FBXL22: variants seen among roughly 807,000 people sequenced by gnomAD.
The protein encoded by FBXL22 is F-box and leucine rich repeat protein 22, also known as F-box and leucine-rich protein 22.
A neutral mutation model predicts 11.7 loss-of-function variants in FBXL22; 13 were observed. That is an observed-to-expected ratio of 1.11 (90% CI 0.73 to 1.77). The LOEUF (loss-of-function observed/expected upper bound fraction) is 1.77, where lower values mean the gene tolerates loss of function less well. FBXL22 is among the 40% of genes most tolerant of loss of function. FBXL22 has a pLI of 0.00. For synonymous variants in FBXL22, 160 were observed against 144.1 expected (o/e 1.11, Z -0.79); for missense variants, 406 against 320.4 (o/e 1.27, Z -2.04).
intron 1 of FBXL22, 151 bp from the exon 2 acceptor site, chr15:63,600,546 C>A (rs577122984): frequency 1.1e-5 from 14 of 1,229,424 alleles, no homozygotes; most frequent in Non-Finnish European, 1.4e-5. Context: ...GCCAGAAAGC[C>A]GACTTGGAAC....
intron 1 of FBXL22, chr15:63,600,137 G>T (rs1055504683): frequency 1.0e-6 from 1 of 985,816 alleles, no homozygotes; most frequent in Non-Finnish European, 1.2e-6. Context: ...GGGGATGCAG[G>T]AACAGCTCTA....
intron 1 of FBXL22, chr15:63,600,376 C>T: frequency 8.9e-7 from 1 of 1,129,918 alleles, no homozygotes; most frequent in Non-Finnish European, 1.1e-6. Flanking sequence ...AGGGTTGTGG[C>T]TCCTGGAACC....
Position 63,599,905 on chromosome 15 carries a change from C to G in FBXL22, c.354-792C>G, listed in dbSNP as rs1057193365. 8 of 985,650 alleles carry G rather than the reference C, an allele frequency of 8.1e-6. No homozygotes were observed. The African/African-American group carries it at 1.2e-4, about 15-fold the overall frequency. 61.1% of individuals were successfully genotyped at this position (985,650 alleles called of 1,614,324 possible). On this transcript the variant is annotated intron_variant, in intron 1 of 1. Coordinates refer to ENST00000638704, the MANE Select transcript of FBXL22 (RefSeq NM_001367807.1). ...CCCCAGTGGTAGACATTATTCCCCC[C>G]ACGCAGAGGAAATGAAGGCTCCGTG...
intron 1 of FBXL22, chr15:63,599,185 G>A: frequency 1.3e-6 from 2 of 1,533,690 alleles, no homozygotes; most frequent in East Asian, 4.9e-5. Context: ...AGTGGCACCT[G>A]GCACATAGTA....
chr15:63,606,934 C>G (rs2152689592), downstream of FBXL22, among the ~76,000 whole-genome samples: 1 of 152,252 alleles, frequency 6.6e-6, no homozygotes, highest in Non-Finnish European at 1.5e-5. Context: ...AATTTAGAGA[C>G]TGCAGAGGTA....
downstream of FBXL22, chr15:63,601,724 T>TCA: frequency 3.8e-6 from 6 of 1,586,824 alleles, no homozygotes; most frequent in South Asian, 6.8e-5. Flanking sequence ...TCCCAATTGT[T>TCA]GAATGCTTAC....
downstream of FBXL22, among the ~76,000 whole-genome samples, chr15:63,605,336 A>G (rs888612102): frequency 6.6e-6 from 1 of 152,142 alleles, no homozygotes; most frequent in African/African-American, 2.4e-5. Context: ...CCGTTTCTTT[A>G]TTTGTAAAAT....
Position 63,597,732 on chromosome 15 carries a change from C to A in FBXL22, c.340C>A (p.Arg114=), listed in dbSNP as rs577834305. The change falls in exon 1 of 2, where the codon CGG becomes AGG. Residue 114 remains arginine, a synonymous_variant. Coordinates refer to ENST00000638704, the MANE Select transcript of FBXL22 (RefSeq NM_001367807.1). The surrounding 1 kb of genome is among the most constrained non-coding windows in gnomAD (Gnocchi z 4.3). ...HESLVNDFLL[R]VCDRCPNLAS... ...GAGCCTGGTCAATGATTTCCTCCTC[C>A]GGGTGTGCGACAGGTAGGCCACCTT... 7.0e-6 allele frequency: 11 copies of A among 1,582,458 alleles called. No homozygotes were observed. In the Admixed American group the frequency reaches 1.9e-4, roughly 27 times the overall value.
the FBXL22 span, chr15:63,608,498 TG>T: frequency 2.0e-5 from 3 of 152,666 alleles, no homozygotes; most frequent in Admixed American, 6.5e-5. Flanking sequence ...TGTTTCTGAA[TG>T]GGTCAAAAAG....
At chr15:63,600,145 CTA>C in intron 1 of FBXL22, 1 of 985,854 alleles carries the variant, frequency 1.0e-6, no homozygotes, top group South Asian at 4.7e-5. Context: ...AGGAACAGCT[CTA>C]GTCTACTAAG....
Position 63,601,004 on chromosome 15 carries a change from C to T in FBXL22, c.661C>T (p.Pro221Ser). Residue 221 changes from proline to serine, a missense_variant, in exon 2 of 2, where the codon CCC becomes TCC. Coordinates refer to ENST00000638704, the MANE Select transcript of FBXL22 (RefSeq NM_001367807.1). ...LPDQPPRPRA[P>S]AAALGKLLQR The stretch of plus-strand genomic sequence containing the variant: ...CGACCAGCCCCCGCGCCCGCGCGCG[C>T]CCGCCGCGGCCCTCGGCAAGCTGCT... 1 of 1,196,522 alleles carries T rather than the reference C, an allele frequency of 8.4e-7. No individual in the cohort carries two copies. Among genetic ancestry groups the T allele is most frequent in the Non-Finnish European group, 1.0e-6 (1 of 965,602 alleles). The allele number at this position is 1,196,522 out of a possible 1,614,324, so 74.1% of individuals were successfully genotyped here.
Position 63,599,277 on chromosome 15 carries a change from G to A in FBXL22, c.354-1420G>A, listed in dbSNP as rs950608269. On this transcript the variant is annotated intron_variant, in intron 1 of 1. Transcript: ENST00000638704. ...GGAATGGCTGAGGATGGCTGGGCAG[G>A]GGGACAGTCCGCTCTTTGTTTTTTC... 9.2e-6 allele frequency: 14 copies of A among 1,513,626 alleles called. No individual in the cohort carries two copies. The East Asian group carries it at 3.2e-4, about 35-fold the overall frequency. The allele number at this position is 1,513,626 out of a possible 1,614,324, so 93.8% of individuals were successfully genotyped here.
intron 1 of FBXL22, chr15:63,600,462 G>T (rs1954849809): frequency 8.2e-7 from 1 of 1,217,520 alleles, no homozygotes; most frequent in Non-Finnish European, 1.0e-6. Context: ...GGCTCCCAAG[G>T]CTACGAGCCA....
At chr15:63,601,602 C>A, downstream of FBXL22, 1 of 1,584,668 alleles carries the variant, frequency 6.3e-7, no homozygotes, top group Non-Finnish European at 8.6e-7. Context: ...GCAGAAGGAG[C>A]CACCGAGCCG....
chr15:63,598,761 T>G (rs1312602345), intron 1 of FBXL22, among the ~76,000 whole-genome samples: 1 of 152,176 alleles, frequency 6.6e-6, no homozygotes, highest in South Asian at 2.1e-4. Context: ...TTTGAGCTGG[T>G]AGGAAGAAAA....
At chr15:63,599,521 T>A in intron 1 of FBXL22, 1 of 1,126,888 alleles carries the variant, frequency 8.9e-7, no homozygotes, top group Non-Finnish European at 1.1e-6. Context: ...TTTCTTCATG[T>A]ACAAAACTGG....
downstream of FBXL22, among the ~76,000 whole-genome samples, chr15:63,607,139 G>T (rs1348205227): frequency 6.6e-6 from 1 of 151,562 alleles, no homozygotes; most frequent in Non-Finnish European, 1.5e-5. Context: ...TCTGCCTCTC[G>T]GGTTCATGCC....
At chr15:63,599,344 C>A in intron 1 of FBXL22, 2 of 1,443,902 alleles carry the variant, frequency 1.4e-6, no homozygotes, top group Non-Finnish European at 1.8e-6. Context: ...AAGAAAAGAT[C>A]ACCCAACACC....
At chr15:63,606,908 GTGAGGCATTATTT>G (rs1193232197), downstream of FBXL22, among the ~76,000 whole-genome samples, 2 of 152,154 alleles carry the variant, frequency 1.3e-5, no homozygotes, top group African/African-American at 4.8e-5. Context: ...GCAGCACAGG[GTGAGGCATTATTT>G]TGAATTTAGA....
Sources: allele counts gnomAD v4.1 joint callset (sites outside exome capture counted in the v4.1 genomes callset), GRCh38; gene constraint gnomAD v4.1.1; non-coding constraint Gnocchi (gnomAD v3.1); transcripts MANE v1.5; gene names NCBI Gene and HGNC (gene_info 2026-07-23, HGNC 2026-07-21).